RALGPS1: variants seen among roughly 807,000 people sequenced by gnomAD.
RALGPS1 encodes the protein Ral GEF with PH domain and SH3 binding motif 1, also known as ras-specific guanine nucleotide-releasing factor RalGPS1.
In RALGPS1, 19 loss-of-function variants were observed where a neutral mutation model predicts 78.8. The ratio of observed to expected loss-of-function variants is 0.24; its 90% CI spans 0.17 to 0.35. RALGPS1 has a LOEUF of 0.35. Ranked by LOEUF, RALGPS1 falls within the 10% of genes least tolerant of loss-of-function variation. The pLI is 1.00. For missense variants in RALGPS1, 454 were observed against 688.3 expected, an observed-to-expected ratio of 0.66 and a Z score of 3.81; for synonymous variants, 228 against 256.3, an observed-to-expected ratio of 0.89 and a Z score of 1.06.
At chr9:126,933,482 G>C (rs2035985729) in intron 1 of RALGPS1, among the ~76,000 whole-genome samples, 1 of 152,224 alleles carries the variant, frequency 6.6e-6, no homozygotes, top group Non-Finnish European at 1.5e-5. Context: ...GGGAGCGGCA[G>C]AGACTGAGGT....
At chr9:127,157,831 T>G (rs1186068729) in intron 8 of RALGPS1, among the ~76,000 whole-genome samples, 1 of 152,160 alleles carries the variant, frequency 6.6e-6, no homozygotes, top group Non-Finnish European at 1.5e-5. Flanking sequence ...ATTTGTTGTC[T>G]TGCTTTATCA....
intron 8 of RALGPS1, among the ~76,000 whole-genome samples, chr9:127,110,396 T>A (rs911295749): frequency 6.6e-6 from 1 of 152,218 alleles, no homozygotes; most frequent in Non-Finnish European, 1.5e-5. Context: ...TGCTGGTTCA[T>A]CCTCATATTC....
At chr9:126,966,520 C>CAAAAAAA (rs756980868) in intron 3 of RALGPS1, among the ~76,000 whole-genome samples, 1 of 53,410 alleles carries the variant, frequency 1.9e-5, no homozygotes. Context: ...AACCCTGTCT[C>CAAAAAAA]AAAAAAAAAA....
At chr9:127,065,271 G>A (rs1333586006) in intron 7 of RALGPS1, among the ~76,000 whole-genome samples, 2 of 152,066 alleles carry the variant, frequency 1.3e-5, no homozygotes, top group African/African-American at 4.8e-5. Context: ...ACACCACCAG[G>A]CCTGGCTAAT....
At chr9:127,166,292 A>G (rs570271615) in intron 9 of RALGPS1, 86 bp downstream of exon 9, 10 of 1,459,982 alleles carry the variant, frequency 6.8e-6, no homozygotes, top group African/African-American at 4.3e-5. Context: ...AAACCTTTCA[A>G]AGAACTACAA....
intron 8 of RALGPS1, among the ~76,000 whole-genome samples, chr9:127,089,927 C>T (rs974535823): frequency 3.3e-5 from 5 of 152,282 alleles, no homozygotes; most frequent in East Asian, 1.9e-4. Context: ...AAGGGGACCC[C>T]GTACTCAGGG....
At chr9:127,137,491 A>G (rs1483976651) in intron 8 of RALGPS1, among the ~76,000 whole-genome samples, 1 of 152,246 alleles carries the variant, frequency 6.6e-6, no homozygotes, top group Non-Finnish European at 1.5e-5. Context: ...CAAGATTTGC[A>G]GGCAGCAGGC....
intron 3 of RALGPS1, among the ~76,000 whole-genome samples, chr9:126,974,883 G>A (rs1045463599): frequency 1.1e-4 from 16 of 152,166 alleles, no homozygotes; most frequent in African/African-American, 3.4e-4. Flanking sequence ...GAGGGACAGG[G>A]CGCTGAGATG....
At chr9:127,155,236 C>T (rs1379178804) in intron 8 of RALGPS1, among the ~76,000 whole-genome samples, 5 of 152,178 alleles carry the variant, frequency 3.3e-5, no homozygotes, top group Non-Finnish European at 7.3e-5. Flanking sequence ...CATTCATTTC[C>T]CTGGCCATTT....
At chr9:127,209,645 A>C (rs1448733020) in intron 14 of RALGPS1, among the ~76,000 whole-genome samples, 1 of 152,188 alleles carries the variant, frequency 6.6e-6, no homozygotes, top group Non-Finnish European at 1.5e-5. Context: ...CAGCCGTCCC[A>C]GCTAACCATC....
intron 4 of RALGPS1, among the ~76,000 whole-genome samples, chr9:126,982,842 T>C (rs1407711577): frequency 1.5e-5 from 2 of 129,624 alleles, no homozygotes; most frequent in Non-Finnish European, 3.6e-5. Flanking sequence ...TTCTTCTTCC[T>C]TCTTTCTTCC....
At chr9:126,937,165 A>G (rs1435746366) in intron 1 of RALGPS1, among the ~76,000 whole-genome samples, 1 of 152,224 alleles carries the variant, frequency 6.6e-6, no homozygotes, top group South Asian at 2.1e-4. Flanking sequence ...CTTTTAGTGC[A>G]TGTAGTTTAA....
intron 8 of RALGPS1, among the ~76,000 whole-genome samples, chr9:127,141,102 C>T (rs771051214): frequency 9.9e-5 from 15 of 152,214 alleles, no homozygotes; most frequent in African/African-American, 2.9e-4. Context: ...CTTTCTGCAG[C>T]GGTGGAGATT....
intron 5 of RALGPS1, among the ~76,000 whole-genome samples, chr9:127,035,623 G>T (rs1232999554): frequency 6.6e-6 from 1 of 152,136 alleles, no homozygotes; most frequent in Non-Finnish European, 1.5e-5. Flanking sequence ...TTGGTCTTGT[G>T]CATCACTGTT....
intron 3 of RALGPS1, among the ~76,000 whole-genome samples, chr9:126,974,131 C>T (rs1045346436): frequency 1.3e-5 from 2 of 152,184 alleles, no homozygotes; most frequent in African/African-American, 2.4e-5. Flanking sequence ...GCTTCAGCCT[C>T]CCAAAGTGCT....
chr9:127,003,479 A>C (rs1257348424), intron 4 of RALGPS1, among the ~76,000 whole-genome samples: 2 of 152,184 alleles, frequency 1.3e-5, no homozygotes, highest in East Asian at 1.9e-4. Context: ...GCCATCAGAG[A>C]AATGCAAATC....
chr9:126,918,314 A>G (rs1406751483), intron 1 of RALGPS1, among the ~76,000 whole-genome samples: 1 of 152,238 alleles, frequency 6.6e-6, no homozygotes, highest in East Asian at 1.9e-4. Flanking sequence ...AAGGCCCAGT[A>G]ATAAATGGTT....
At chr9:127,063,378 A>G (rs1260851381) in intron 7 of RALGPS1, among the ~76,000 whole-genome samples, 1 of 152,218 alleles carries the variant, frequency 6.6e-6, no homozygotes, top group Non-Finnish European at 1.5e-5. Context: ...TACCCTTTCT[A>G]CCATGAAAAT....
chr9:127,154,383 A>G (rs926235852), intron 8 of RALGPS1, among the ~76,000 whole-genome samples: 3 of 152,236 alleles, frequency 2.0e-5, no homozygotes, highest in African/African-American at 4.8e-5. Context: ...CGACCTCCCC[A>G]TGAGGACTCA....
Sources: allele counts gnomAD v4.1 joint callset (sites outside exome capture counted in the v4.1 genomes callset), GRCh38; gene constraint gnomAD v4.1.1; transcripts MANE v1.5; gene names NCBI Gene and HGNC (gene_info 2026-07-23, HGNC 2026-07-21).